Variants in AFF3 observed in about 807,000 individuals in gnomAD.
AFF3 encodes the protein AF4/FMR2 family member 3.
AFF3 carries 32 observed loss-of-function variants against 129.7 expected under a neutral mutation model. That is an observed-to-expected ratio of 0.25 (90% CI 0.19 to 0.33). The LOEUF is 0.33. AFF3 is among the 10% of genes least tolerant of loss of function. AFF3 has a pLI of 1.00. For synonymous variants in AFF3, 644 were observed against 635.4 expected (o/e 1.01, Z -0.20); for missense variants, 1,373 against 1,592.0 (o/e 0.86, Z 2.34).
intron 4 of AFF3, among the ~76,000 whole-genome samples, chr2:100,076,548 G>A (rs1039094888): frequency 5.3e-5 from 8 of 152,182 alleles, no homozygotes; most frequent in Middle Eastern, 3.4e-3. Flanking sequence ...CTCCAGCCCC[G>A]GGAACCCATT....
chr2:99,725,032 G>A (rs572036011), intron 11 of AFF3, among the ~76,000 whole-genome samples: 1 of 149,972 alleles, frequency 6.7e-6, no homozygotes, highest in Admixed American at 6.6e-5. Context: ...GTGCAGTGGT[G>A]CGATCTCTGC....
At chr2:99,971,370 C>T (rs955452022) in intron 7 of AFF3, among the ~76,000 whole-genome samples, 14 of 152,230 alleles carry the variant, frequency 9.2e-5, no homozygotes, top group Non-Finnish European at 1.6e-4. Context: ...TCTACCACAT[C>T]TCATCCCATT....
chr2:100,106,899 A>G, intron 2 of AFF3: 1 of 985,506 alleles, frequency 1.0e-6, no homozygotes, highest in Non-Finnish European at 1.2e-6. Flanking sequence ...GGGATGGTAT[A>G]GAGCTGGTTG....
chr2:99,643,356 C>A (rs1050550077), intron 13 of AFF3, among the ~76,000 whole-genome samples: 1 of 152,160 alleles, frequency 6.6e-6, no homozygotes, highest in African/African-American at 2.4e-5. Context: ...CCGAGCCCAG[C>A]CCTAAAAGAC....
intron 10 of AFF3, among the ~76,000 whole-genome samples, chr2:99,731,131 T>C (rs1226289021): frequency 6.6e-6 from 1 of 152,120 alleles, no homozygotes; most frequent in Non-Finnish European, 1.5e-5. Context: ...CTAATTTTTA[T>C]ATTTTTAGTA....
chr2:99,791,827 CT>C lies in AFF3; in HGVS notation c.922-39527del, dbSNP rs112734176. 6.9e-3 allele frequency among the ~76,000 whole-genome samples: 971 copies of C among 140,932 alleles called. 1 individual carries two copies. Among genetic ancestry groups the C allele is most frequent in the African/African-American group, 9.3e-3 (360 of 38,650 alleles). 92.5% of individuals were successfully genotyped at this position (140,932 alleles called of 152,430 possible). ...ATATTTTTTGCAATTTTGTGTTTTT[CT>C]TTTTTTTTTTTTTAATTTTGCTGTT... is the stretch of plus-strand genomic sequence containing the variant. On this transcript the variant is annotated intron_variant, in intron 8 of 24. Transcript: ENST00000672756.
At chr2:99,850,855 TAACA>T (rs1216475721) in intron 7 of AFF3, among the ~76,000 whole-genome samples, 2 of 152,228 alleles carry the variant, frequency 1.3e-5, no homozygotes, top group Non-Finnish European at 1.5e-5. Context: ...TTATAGCAGC[TAACA>T]AATTAAATGG....
intron 1 of AFF3, among the ~76,000 whole-genome samples, chr2:100,140,565 T>C (rs1692821732): frequency 6.6e-6 from 1 of 152,158 alleles, no homozygotes; most frequent in African/African-American, 2.4e-5. Context: ...AAAATAAGCA[T>C]AATTGCAATG....
chr2:99,838,236 G>C (rs943748366), intron 7 of AFF3, among the ~76,000 whole-genome samples: 1 of 152,172 alleles, frequency 6.6e-6, no homozygotes, highest in Non-Finnish European at 1.5e-5. Flanking sequence ...CAGGATGTGG[G>C]TTTGTGGGGA....
At chr2:99,628,743 C>A (rs1682845363) in intron 13 of AFF3, among the ~76,000 whole-genome samples, 1 of 6,912 alleles carries the variant, frequency 1.4e-4, no homozygotes, top group South Asian at 4.8e-3. Context: ...TTTTTTGAGA[C>A]AGAGTCTTGT....
chr2:100,067,469 C>T lies in AFF3; in HGVS notation c.53+36933G>A, dbSNP rs148016801. 1.9e-3 allele frequency among the ~76,000 whole-genome samples: 285 copies of T among 152,268 alleles called. 3 individuals are homozygous for T. The highest frequency in any genetic ancestry group is 6.4e-3 in the African/African-American group (267 of 41,546). On this transcript the variant is annotated intron_variant, in intron 4 of 24. Transcript: ENST00000672756. ...ATCCTTTCTGAGTGATCAGTCTGTT[C>T]CCTGAAAGGTCAGAATTTTCTGGTA...
intron 4 of AFF3, among the ~76,000 whole-genome samples, chr2:100,078,289 AG>A (rs1476476052): frequency 3.9e-5 from 6 of 152,332 alleles, no homozygotes; most frequent in Non-Finnish European, 7.3e-5. Context: ...GCGAATATAC[AG>A]GTTTGTCAAG....
At chr2:99,723,108 C>A (rs747001909) in intron 11 of AFF3, among the ~76,000 whole-genome samples, 8 of 152,202 alleles carry the variant, frequency 5.3e-5, no homozygotes, top group African/African-American at 9.6e-5. Flanking sequence ...GTTCTTCCAT[C>A]ATTAATATAA....
intron 22 of AFF3, among the ~76,000 whole-genome samples, chr2:99,555,175 C>T (rs1312288837): frequency 1.3e-5 from 2 of 152,142 alleles, no homozygotes; most frequent in Non-Finnish European, 2.9e-5. Flanking sequence ...CACATTAAGT[C>T]ATAATCCCAA....
intron 7 of AFF3, among the ~76,000 whole-genome samples, chr2:99,918,207 T>C (rs1354750618): frequency 6.6e-6 from 1 of 152,200 alleles, no homozygotes; most frequent in African/African-American, 2.4e-5. Context: ...GTATATCTTC[T>C]GATTATAAGA....
chr2:100,080,023 G>A (rs1573365764), intron 4 of AFF3, among the ~76,000 whole-genome samples: 2 of 152,312 alleles, frequency 1.3e-5, no homozygotes, highest in South Asian at 2.1e-4. Context: ...CAGCACTCCA[G>A]TGGCCTAGCT....
At chr2:99,563,247 G>A (rs1575360757) in intron 20 of AFF3, among the ~76,000 whole-genome samples, 1 of 151,644 alleles carries the variant, frequency 6.6e-6, no homozygotes, top group East Asian at 2.0e-4. Flanking sequence ...CTGGAGTGCA[G>A]TGGCGCGATC....
chr2:100,068,989 T>C (rs1687954412), intron 4 of AFF3, among the ~76,000 whole-genome samples: 1 of 152,180 alleles, frequency 6.6e-6, no homozygotes, highest in African/African-American at 2.4e-5. Flanking sequence ...CAGGGGTACA[T>C]GTGCAGGTCT....
intron 4 of AFF3, among the ~76,000 whole-genome samples, chr2:100,050,869 C>T (rs1263921900): frequency 6.6e-6 from 1 of 152,200 alleles, no homozygotes; most frequent in South Asian, 2.1e-4. Context: ...GGGGATGCTG[C>T]TATTGACTAA....
Sources: gnomAD v4.1 joint callset for allele counts (sites outside exome capture counted in the v4.1 genomes callset) on GRCh38, gnomAD v4.1.1 for gene constraint, MANE v1.5 for transcripts, NCBI Gene and HGNC (gene_info 2026-07-23, HGNC 2026-07-21) for gene names.